The following RSRC2 variants were observed in gnomAD, a reference collection of about 807,000 sequenced individuals.
The protein encoded by RSRC2 is arginine and serine rich coiled-coil 2.
RSRC2 carries 5 observed loss-of-function variants against 61.3 expected under a neutral mutation model. The observed-to-expected ratio is 0.08, with a 90% CI of 0.04 to 0.17. RSRC2 has a LOEUF of 0.17. RSRC2 is among the 10% of genes least tolerant of loss of function. The probability of loss-of-function intolerance (pLI) is 1.00; values close to 1 mark genes in which losing one functional copy is unlikely to be tolerated. For missense variants in RSRC2, 381 were observed against 518.8 expected, an observed-to-expected ratio of 0.73 and a Z score of 2.58; for synonymous variants, 202 against 166.5, an observed-to-expected ratio of 1.21 and a Z score of -1.64.
At chr12:122,521,570 T>C (rs1409171720) in intron 2 of RSRC2, 142 bp from the exon 3 acceptor site, 2 of 692,066 alleles carry the variant, frequency 2.9e-6, no homozygotes, top group Admixed American at 2.3e-5. Context: ...GTGGGATTAT[T>C]CTACATTAAT....
At chr12:122,521,341 T>C (rs773920814) in intron 3 of RSRC2, 44 bp downstream of exon 3, 12 of 1,454,138 alleles carry the variant, frequency 8.3e-6, no homozygotes. Context: ...CCAGACACTT[T>C]ATAAGTATTT....
chr12:122,508,460 A>C lies in RSRC2; in HGVS notation c.806-13T>G, dbSNP rs11058491. ...CCAGTAGCTGCAGCTGCTTGAAGAG[A>C]ATACAAAAATGGATTTTAAAACGAT... On this transcript the variant is annotated splice_polypyrimidine_tract_variant and intron_variant, in intron 7 of 9. Coordinates refer to ENST00000331738, the MANE Select transcript of RSRC2 (RefSeq NM_023012.6). The C allele has an allele frequency of 1.4e-4, 226 of 1,592,714 alleles. No individual in the cohort carries two copies. The East Asian group carries it at 2.1e-3, about 15-fold the overall frequency.
intron 1 of RSRC2, 25 bp downstream of exon 1, chr12:122,526,823 C>T (rs1960608979): frequency 6.2e-7 from 1 of 1,614,060 alleles, no homozygotes; most frequent in South Asian, 1.1e-5. Context: ...ATATCCCTGG[C>T]TTTAAACTCA....
In RSRC2 at chr12:122,515,026, G is replaced by A. The variant is rs1276292580; in HGVS notation, c.725+79C>T. Reference sequence around the variant, plus strand: ...AAAGTATGTGAATCATTCTCTTACTGAAAGAATTCATCTTATCCACACAAT... The same window carrying A: ...AAAGTATGTGAATCATTCTCTTACTAAAAGAATTCATCTTATCCACACAAT... On this transcript the variant is annotated intron_variant, in intron 6 of 9. Transcript: ENST00000331738. The A allele has an allele frequency of 2.1e-5, 30 of 1,456,022 alleles. No individual in the cohort carries two copies. In the East Asian group the frequency reaches 6.9e-4, roughly 33 times the overall value. The allele number at this position is 1,456,022 out of a possible 1,614,324, so 90.2% of individuals were successfully genotyped here. A position where few individuals can be genotyped will look rare whatever the true frequency, so the allele number is the denominator to read the frequency against.
chr12:122,521,305 G>A (rs1959201898), intron 3 of RSRC2, 80 bp downstream of exon 3: 11 of 1,086,146 alleles, frequency 1.0e-5, no homozygotes, highest in South Asian at 1.3e-5. Context: ...CCTTGACAAC[G>A]TCTTATATTC....
rs1359313344 is a variant in RSRC2 at position 122,522,763 on chromosome 12, G to T, written c.7-464C>A. ...ATAAAATCTTAAAACAATGCCCTAAGAATATTATAAAATAATAAACAGAAA... is the reference window on the plus strand; with the variant it reads ...ATAAAATCTTAAAACAATGCCCTAATAATATTATAAAATAATAAACAGAAA... On this transcript the variant is annotated intron_variant, in intron 1 of 9. Transcript: ENST00000331738. The T allele has an allele frequency of 2.0e-5, 3 of 152,350 alleles. No individual in the cohort carries two copies. In the East Asian group the frequency reaches 5.8e-4, roughly 29 times the overall value. 9.4% of individuals were successfully genotyped at this position (152,350 alleles called of 1,614,324 possible). A position where few individuals can be genotyped will look rare whatever the true frequency, so the allele number is the denominator to read the frequency against.
intron 3 of RSRC2, chr12:122,521,083 G>A (rs1237760825): frequency 3.3e-6 from 1 of 299,130 alleles, no homozygotes. Context: ...AGGAGACTCG[G>A]GACCTCAGAT....
At chr12:122,505,975 C>T (rs1958090884) in intron 9 of RSRC2, among the ~76,000 whole-genome samples, 1 of 148,988 alleles carries the variant, frequency 6.7e-6, no homozygotes, top group Non-Finnish European at 1.5e-5. Flanking sequence ...GACGGGGTTT[C>T]ACCACATTGG....
At chr12:122,505,790 T>C in intron 9 of RSRC2, 84 bp from the exon 10 acceptor site, 2 of 1,253,734 alleles carry the variant, frequency 1.6e-6, no homozygotes, top group South Asian at 1.5e-5. Context: ...ATGTATTTTT[T>C]TTTTTTGAGA....
intron 6 of RSRC2, among the ~76,000 whole-genome samples, chr12:122,512,901 G>A (rs1368703920): frequency 6.6e-6 from 1 of 152,058 alleles, no homozygotes; most frequent in African/African-American, 2.4e-5. Context: ...ACAATAAAAT[G>A]TAGGTCGCAG....
Position 122,505,418 on chromosome 12 carries a change from A to C in RSRC2, c.*109T>G. 2 of 966,916 alleles carry C rather than the reference A, an allele frequency of 2.1e-6. No homozygotes were observed. Among genetic ancestry groups the C allele is most frequent in the East Asian group, 2.4e-5 (1 of 40,902 alleles). The allele number at this position is 966,916 out of a possible 1,614,324, so 59.9% of individuals were successfully genotyped here. A position where few individuals can be genotyped will look rare whatever the true frequency, so the allele number is the denominator to read the frequency against. On this transcript the variant is annotated 3_prime_UTR_variant, in exon 10 of 10. Transcript: ENST00000331738. ...AAAATTTGTATTTTTCAATAAATTA[A>C]AGTCAATGCAACACCCATGCAAGCT...
At chr12:122,517,137 GA>G in intron 5 of RSRC2, 89 bp downstream of exon 5, 1 of 1,565,848 alleles carries the variant, frequency 6.4e-7, no homozygotes. Context: ...ATAGAATTGT[GA>G]CTCACAATTT....
At position 122,518,904 on chromosome 12, in the gene RSRC2, C is replaced by T. The variant is rs1312137784; in HGVS notation, c.333G>A (p.Arg111=). 6.8e-6 allele frequency: 11 copies of T among 1,613,916 alleles called. No homozygotes were observed. In the East Asian group the frequency reaches 1.6e-4, roughly 23 times the overall value. ...ATGACTTTCTTTCTTTGCGTTTGTGCCTGTCCTCACCATTTTCAGATGAAT... is the reference window on the plus strand; with the variant it reads ...ATGACTTTCTTTCTTTGCGTTTGTGTCTGTCCTCACCATTTTCAGATGAAT... ...RLNSSENGED[R]HKRKERKSSR... The change falls in exon 4 of 10, where the codon AGG becomes AGA. Residue 111 remains arginine (R), a synonymous_variant. Coordinates refer to ENST00000331738, the MANE Select transcript of RSRC2 (RefSeq NM_023012.6).
In RSRC2 at chr12:122,511,247, T is replaced by A. The variant is rs1036071207; in HGVS notation, c.726-59A>T. 5 of 1,296,690 alleles carry A rather than the reference T, an allele frequency of 3.9e-6. No homozygotes were observed. The African/African-American group carries it at 7.5e-5, about 19-fold the overall frequency. The allele number at this position is 1,296,690 out of a possible 1,614,324, so 80.3% of individuals were successfully genotyped here. A position where few individuals can be genotyped will look rare whatever the true frequency, so the allele number is the denominator to read the frequency against. On this transcript the variant is annotated intron_variant, in intron 6 of 9. Coordinates refer to ENST00000331738, the MANE Select transcript of RSRC2 (RefSeq NM_023012.6). Reference sequence around the variant, plus strand: ...ACAATATAAAACCATTATGTATATATCTCTCTATATGTGCATGTACAGAGA... The same window carrying A: ...ACAATATAAAACCATTATGTATATAACTCTCTATATGTGCATGTACAGAGA...
In RSRC2 at chr12:122,507,268, G is replaced by A. The variant is rs1483546130; in HGVS notation, c.1036-345C>T. 5 of 293,284 alleles carry A rather than the reference G, an allele frequency of 1.7e-5. No individual in the cohort carries two copies. In the East Asian group the frequency reaches 4.7e-4, roughly 28 times the overall value. 18.2% of individuals were successfully genotyped at this position (293,284 alleles called of 1,614,324 possible). On this transcript the variant is annotated intron_variant, in intron 8 of 9. Coordinates refer to ENST00000331738, the MANE Select transcript of RSRC2 (RefSeq NM_023012.6). ...GTGGTGGGCACCTGTAGACCCAGGA[G>A]GGTCTCAGGAGTCTGAGGCAGGAGA...
At chr12:122,520,358 G>C (rs1046627810) in intron 3 of RSRC2, 1 of 440,986 alleles carries the variant, frequency 2.3e-6, no homozygotes. Context: ...AAAGTCTTAA[G>C]TGGTTAAACT....
chr12:122,514,584 A>T, intron 6 of RSRC2: 4 of 956,076 alleles, frequency 4.2e-6, no homozygotes, highest in Middle Eastern at 5.2e-4. Flanking sequence ...AGAAAATTAA[A>T]AAAAAAAAAA....
At chr12:122,522,353 C>T in intron 1 of RSRC2, 54 bp from the exon 2 acceptor site, 1 of 1,474,600 alleles carries the variant, frequency 6.8e-7, no homozygotes, top group Non-Finnish European at 9.0e-7. Flanking sequence ...TAAATGTTTT[C>T]AATTTCTTAA....
intron 1 of RSRC2, chr12:122,523,900 G>GT (rs1959641791): frequency 6.6e-6 from 1 of 152,084 alleles, no homozygotes. Context: ...AAACAGAAAG[G>GT]TTTTGCAGTT....
Sources: allele counts gnomAD v4.1 joint callset (sites outside exome capture counted in the v4.1 genomes callset), GRCh38; gene constraint gnomAD v4.1.1; transcripts MANE v1.5; gene names NCBI Gene and HGNC (gene_info 2026-07-23, HGNC 2026-07-21).